CNBD1: variants seen among roughly 807,000 people sequenced by gnomAD.
CNBD1 encodes the protein cyclic nucleotide-binding domain-containing protein 1.
Under a neutral mutation model 54.4 loss-of-function variants are expected in CNBD1, and 71 were observed. That is an observed-to-expected ratio of 1.30 (90% CI 1.08 to 1.59). CNBD1 has a LOEUF of 1.59. Ranked by LOEUF, CNBD1 falls within the 40% of genes most tolerant of loss-of-function variation. The pLI is 0.00. For missense variants in CNBD1, 659 were observed against 518.0 expected, an observed-to-expected ratio of 1.27 and a Z score of -2.64; for synonymous variants, 182 against 170.7, an observed-to-expected ratio of 1.07 and a Z score of -0.51.
At chr8:87,371,305 A>C (rs1403505625) in intron 10 of CNBD1, among the ~76,000 whole-genome samples, 2 of 151,954 alleles carry the variant, frequency 1.3e-5, no homozygotes, top group Admixed American at 6.6e-5. Context: ...TTGAATCTAT[A>C]AATTACCTTG....
intron 8 of CNBD1, among the ~76,000 whole-genome samples, chr8:87,311,975 GA>G (rs1809275638): frequency 6.6e-6 from 1 of 151,906 alleles, no homozygotes; most frequent in African/African-American, 2.4e-5. Flanking sequence ...AGCAAGGATT[GA>G]AAAACTAACT....
At chr8:87,340,148 G>C (rs1225685775) in intron 8 of CNBD1, among the ~76,000 whole-genome samples, 1 of 152,148 alleles carries the variant, frequency 6.6e-6, no homozygotes, top group Non-Finnish European at 1.5e-5. Flanking sequence ...TAGTTTTGCT[G>C]CATCTAATTA....
intron 4 of CNBD1, among the ~76,000 whole-genome samples, chr8:86,956,618 T>A (rs1295549714): frequency 1.3e-5 from 2 of 152,216 alleles, no homozygotes; most frequent in Admixed American, 1.3e-4. Context: ...TCATTCATGA[T>A]TTGGCTCTGT....
At chr8:87,231,315 T>C (rs1814684935) in intron 5 of CNBD1, among the ~76,000 whole-genome samples, 1 of 152,062 alleles carries the variant, frequency 6.6e-6, no homozygotes, top group South Asian at 2.1e-4. Flanking sequence ...TGAAACACTA[T>C]CTCTAAGCAA....
At chr8:87,227,751 G>A (rs1183707823) in intron 5 of CNBD1, among the ~76,000 whole-genome samples, 1 of 149,430 alleles carries the variant, frequency 6.7e-6, no homozygotes, top group Non-Finnish European at 1.5e-5. Flanking sequence ...GTATCTTTGT[G>A]GCGTTCTCTG....
intron 4 of CNBD1, among the ~76,000 whole-genome samples, chr8:87,086,158 G>A (rs766629760): frequency 3.6e-4 from 55 of 152,102 alleles, no homozygotes; most frequent in Non-Finnish European, 2.9e-4. Context: ...GCTCTGAAGG[G>A]TTTTATAATC....
intron 4 of CNBD1, among the ~76,000 whole-genome samples, chr8:87,129,087 A>AAAAAAAAAAAAAAAAAAAAC (rs1421583233): frequency 6.8e-6 from 1 of 146,138 alleles, no homozygotes; most frequent in African/African-American, 2.5e-5. Context: ...AAAAAAAAAA[A>AAAAAAAAAAAAAAAAAAAAC]AAAAGAATTT....
chr8:86,938,782 C>T (rs543215014), intron 3 of CNBD1, among the ~76,000 whole-genome samples: 1 of 152,270 alleles, frequency 6.6e-6, no homozygotes, highest in East Asian at 1.9e-4. Context: ...TTAGTGTTAA[C>T]AGGATGATGT....
intron 8 of CNBD1, among the ~76,000 whole-genome samples, chr8:87,348,314 A>C (rs963636383): frequency 2.6e-5 from 4 of 152,178 alleles, no homozygotes; most frequent in African/African-American, 9.7e-5. Context: ...GTAGTGTTTA[A>C]TATTGGGTAA....
chr8:87,270,357 A>C (rs1808337125), intron 6 of CNBD1, among the ~76,000 whole-genome samples: 1 of 150,804 alleles, frequency 6.6e-6, no homozygotes. Context: ...CAAGCATATG[A>C]AAAAAAACTC....
At chr8:87,379,617 AG>A (rs1412625055) in intron 10 of CNBD1, among the ~76,000 whole-genome samples, 2 of 152,030 alleles carry the variant, frequency 1.3e-5, no homozygotes, top group Non-Finnish European at 2.9e-5. Context: ...AAGAAATAAA[AG>A]GGAAAACATT....
At chr8:86,931,551 G>A (rs1239343093) in intron 3 of CNBD1, among the ~76,000 whole-genome samples, 2 of 152,068 alleles carry the variant, frequency 1.3e-5, no homozygotes, top group East Asian at 3.9e-4. Flanking sequence ...TCCGTTTTCT[G>A]TCTTTTCTGA....
At chr8:87,106,272 G>T (rs1381379200) in intron 4 of CNBD1, among the ~76,000 whole-genome samples, 1 of 150,892 alleles carries the variant, frequency 6.6e-6, no homozygotes, top group Non-Finnish European at 1.5e-5. Context: ...GGAGCACATT[G>T]GCATCATCTC....
At chr8:87,256,011 ATATATTTTT>A (rs1382781669) in intron 6 of CNBD1, among the ~76,000 whole-genome samples, 14 of 19,244 alleles carry the variant, frequency 7.3e-4, no homozygotes, top group African/African-American at 8.7e-4. Context: ...ATATATATAT[ATATATTTTT>A]TTTTTTTTTT....
intron 5 of CNBD1, among the ~76,000 whole-genome samples, chr8:87,227,146 G>C (rs925258784): frequency 2.6e-5 from 4 of 152,136 alleles, no homozygotes; most frequent in Non-Finnish European, 4.4e-5. Context: ...CTGCACATGA[G>C]ATGGGTTTCC....
At position 87,323,328 on chromosome 8, in the gene CNBD1, C is replaced by T. The variant is rs975276197; in HGVS notation, c.1043-28357C>T. ...CATATGAACTTTAAAGTAGTTTTTT[C>T]CAATTCTGTGAAGAAAGTCATTGGT... On this transcript the variant is annotated intron_variant, in intron 8 of 10. Transcript: ENST00000518476. Among the ~76,000 whole-genome samples, 193 of 130,196 alleles carry T rather than the reference C, an allele frequency of 1.5e-3. 4 individuals are homozygous for T. Among genetic ancestry groups the T allele is most frequent in the African/African-American group, 5.5e-3 (187 of 34,240 alleles). 85.4% of individuals were successfully genotyped at this position (130,196 alleles called of 152,430 possible).
chr8:86,945,987 T>C (rs548146011), intron 4 of CNBD1, among the ~76,000 whole-genome samples: 1 of 152,294 alleles, frequency 6.6e-6, no homozygotes, highest in South Asian at 2.1e-4. Context: ...TAATCATTAG[T>C]TGTATGATCT....
At chr8:87,314,869 A>G (rs1809348742) in intron 8 of CNBD1, among the ~76,000 whole-genome samples, 1 of 152,048 alleles carries the variant, frequency 6.6e-6, no homozygotes, top group Non-Finnish European at 1.5e-5. Context: ...CCCTCAAATG[A>G]TGTAAAATAA....
At chr8:86,924,133 C>A (rs1305360388) in intron 3 of CNBD1, among the ~76,000 whole-genome samples, 1 of 152,156 alleles carries the variant, frequency 6.6e-6, no homozygotes, top group Non-Finnish European at 1.5e-5. Context: ...CAATTAGATG[C>A]CCCATTCATT....
Sources: gnomAD v4.1 joint callset for allele counts (sites outside exome capture counted in the v4.1 genomes callset) on GRCh38, gnomAD v4.1.1 for gene constraint, MANE v1.5 for transcripts, NCBI Gene and HGNC (gene_info 2026-07-23, HGNC 2026-07-21) for gene names.